Variants in PRKCB observed in about 807,000 individuals in gnomAD.
PRKCB encodes the protein protein kinase C beta.
A neutral mutation model predicts 81.5 loss-of-function variants in PRKCB; 13 were observed. The ratio of observed to expected loss-of-function variants is 0.16; its 90% CI spans 0.10 to 0.25. The LOEUF (loss-of-function observed/expected upper bound fraction) is 0.25, where lower values mean the gene tolerates loss of function less well. Among genes scored for constraint, PRKCB ranks in the 10% least tolerant of loss-of-function variants. The pLI is 1.00. For synonymous variants in PRKCB, 335 were observed against 321.4 expected, an observed-to-expected ratio of 1.04 and a Z score of -0.45; for missense variants, 509 against 875.7, an observed-to-expected ratio of 0.58 and a Z score of 5.29.
chr16:23,901,046 G>A (rs950384375), intron 2 of PRKCB, among the ~76,000 whole-genome samples: 2 of 151,876 alleles, frequency 1.3e-5, no homozygotes, highest in Non-Finnish European at 2.9e-5. Flanking sequence ...AGCTGATAGG[G>A]TCACTTCTGT....
intron 5 of PRKCB, among the ~76,000 whole-genome samples, chr16:24,057,353 G>C (rs1965916491): frequency 6.6e-6 from 1 of 152,184 alleles, no homozygotes; most frequent in African/African-American, 2.4e-5. Flanking sequence ...CCCATCGCTA[G>C]GGAGCGATGG....
At chr16:24,015,634 G>A (rs1168828063) in intron 3 of PRKCB, among the ~76,000 whole-genome samples, 2 of 152,186 alleles carry the variant, frequency 1.3e-5, no homozygotes, top group Admixed American at 1.3e-4. Flanking sequence ...TAAGATTTCA[G>A]CTTAAACTTC....
intron 13 of PRKCB, among the ~76,000 whole-genome samples, chr16:24,184,066 G>A (rs1022703459): frequency 4.6e-5 from 7 of 152,278 alleles, no homozygotes; most frequent in Admixed American, 6.5e-5. Context: ...TAATCAACTG[G>A]AAATTTATAA....
intron 7 of PRKCB, among the ~76,000 whole-genome samples, chr16:24,100,916 C>G (rs188759382): frequency 2.0e-5 from 3 of 152,234 alleles, no homozygotes; most frequent in Non-Finnish European, 1.5e-5. Flanking sequence ...CATAGGGGGT[C>G]AAAGCTGTCT....
At chr16:24,205,166 T>TTTG (rs1466710600) in intron 16 of PRKCB, among the ~76,000 whole-genome samples, 6 of 149,214 alleles carry the variant, frequency 4.0e-5, no homozygotes, top group Non-Finnish European at 8.9e-5. Flanking sequence ...TTTTTTTTTT[T>TTTG]TAGAGACAGG....
chr16:23,847,575 TCC>T (rs1962402118), intron 2 of PRKCB, among the ~76,000 whole-genome samples: 10 of 150,458 alleles, frequency 6.6e-5, no homozygotes, highest in African/African-American at 2.4e-4. Context: ...CATCCATCCA[TCC>T]GTCTGGCTAT....
intron 2 of PRKCB, among the ~76,000 whole-genome samples, chr16:23,954,423 C>T (rs772892239): frequency 1.5e-4 from 23 of 152,214 alleles, no homozygotes; most frequent in Non-Finnish European, 2.6e-4. Flanking sequence ...ATGGGCTCCT[C>T]GGGCTCTTGC....
At chr16:23,994,395 C>A (rs1348906561) in intron 3 of PRKCB, among the ~76,000 whole-genome samples, 1 of 152,182 alleles carries the variant, frequency 6.6e-6, no homozygotes, top group East Asian at 1.9e-4. Flanking sequence ...CATACTGGTT[C>A]TTTGACCTGT....
At chr16:24,086,866 T>C (rs372797262) in intron 5 of PRKCB, among the ~76,000 whole-genome samples, 2 of 152,222 alleles carry the variant, frequency 1.3e-5, no homozygotes, top group East Asian at 1.9e-4. Context: ...TGCATTTTAC[T>C]GTACCTTTCT....
chr16:23,999,537 G>A (rs1483851162), intron 3 of PRKCB, among the ~76,000 whole-genome samples: 1 of 152,108 alleles, frequency 6.6e-6, no homozygotes, highest in Non-Finnish European at 1.5e-5. Context: ...GCCATTGGAG[G>A]GCCACAAAGT....
chr16:23,993,886 G>A (rs1964921750), intron 3 of PRKCB, among the ~76,000 whole-genome samples: 3 of 152,128 alleles, frequency 2.0e-5, no homozygotes. Context: ...TACTTGATCT[G>A]TATAGCAGAA....
chr16:23,855,793 A>G (rs1962556069), intron 2 of PRKCB, among the ~76,000 whole-genome samples: 1 of 152,346 alleles, frequency 6.6e-6, no homozygotes. Flanking sequence ...GGACAAGCCA[A>G]TGCATCAAGT....
intron 5 of PRKCB, among the ~76,000 whole-genome samples, chr16:24,069,968 T>C (rs556574034): frequency 6.6e-6 from 1 of 152,252 alleles, no homozygotes; most frequent in South Asian, 2.1e-4. Flanking sequence ...CACACTGTGC[T>C]GGGCTATGGC....
At chr16:24,067,192 C>T (rs2141881735) in intron 5 of PRKCB, among the ~76,000 whole-genome samples, 1 of 152,240 alleles carries the variant, frequency 6.6e-6, no homozygotes, top group South Asian at 2.1e-4. Flanking sequence ...GTGAAACTTT[C>T]CACATTGTCA....
At chr16:24,176,413 TA>T (rs1967532378) in intron 12 of PRKCB, among the ~76,000 whole-genome samples, 2 of 151,948 alleles carry the variant, frequency 1.3e-5, no homozygotes, top group African/African-American at 4.8e-5. Context: ...ACCATGTCTC[TA>T]AAAAAAGAAG....
rs1195937545 is a variant in PRKCB at position 24,020,976 on chromosome 16, T to TTTCTTTCTTTC, written c.289-11158_289-11157insCTTTCTTTCTT. Among the ~76,000 whole-genome samples the TTTCTTTCTTTC allele has an allele frequency of 7.6e-3, 737 of 96,736 alleles. 13 individuals carry two copies. The highest frequency in any genetic ancestry group is 0.017 in the African/African-American group (405 of 24,464). 63.5% of individuals were successfully genotyped at this position (96,736 alleles called of 152,430 possible). A position where few individuals can be genotyped will look rare whatever the true frequency, so the allele number is the denominator to read the frequency against. Reference sequence around the variant, plus strand: ...CATTCAGACTGAGAGAGACTTTTCTTTTTCTTTCTTTCTTTCTTTCTTTCT... The same window carrying TTTCTTTCTTTC: ...CATTCAGACTGAGAGAGACTTTTCTTTTCTTTCTTTCTTTCTTTCTTTCTTTCTTTCTTTCT... On this transcript the variant is annotated intron_variant, in intron 3 of 16. Transcript: ENST00000643927.
chr16:23,966,912 C>T (rs1299368786), intron 2 of PRKCB, among the ~76,000 whole-genome samples: 5 of 152,080 alleles, frequency 3.3e-5, no homozygotes, highest in Non-Finnish European at 7.4e-5. Flanking sequence ...AATGTGGGCC[C>T]ACTGCTGACA....
chr16:24,016,132 C>G (rs974644904), intron 3 of PRKCB, among the ~76,000 whole-genome samples: 1 of 152,014 alleles, frequency 6.6e-6, no homozygotes, highest in Non-Finnish European at 1.5e-5. Flanking sequence ...CCTAGCTCCC[C>G]CTAGGGTTGT....
intron 2 of PRKCB, among the ~76,000 whole-genome samples, chr16:23,863,286 G>A (rs908732640): frequency 5.2e-5 from 4 of 76,620 alleles, no homozygotes; most frequent in African/African-American, 4.5e-5. Flanking sequence ...ACACACACAC[G>A]AATATTTTAC....
Sources: allele counts gnomAD v4.1 joint callset (sites outside exome capture counted in the v4.1 genomes callset), GRCh38; gene constraint gnomAD v4.1.1; transcripts MANE v1.5; gene names NCBI Gene and HGNC (gene_info 2026-07-23, HGNC 2026-07-21).